Variants in RIMS3 observed in about 807,000 individuals in gnomAD.
The protein encoded by RIMS3 is regulating synaptic membrane exocytosis protein 3.
Under a neutral mutation model 29.2 loss-of-function variants are expected in RIMS3, and 15 were observed. The ratio of observed to expected loss-of-function variants is 0.51; its 90% confidence interval spans 0.34 to 0.79. The LOEUF (loss-of-function observed/expected upper bound fraction) is 0.79, where lower values mean the gene tolerates loss of function less well. RIMS3 is among the 30% of genes least tolerant of loss of function. The probability of loss-of-function intolerance (pLI) is 0.01; values close to 1 mark genes in which losing one functional copy is unlikely to be tolerated. For missense variants in RIMS3, 342 were observed against 421.4 expected, an observed-to-expected ratio of 0.81 and a Z score of 1.65; for synonymous variants, 161 against 170.1, an observed-to-expected ratio of 0.95 and a Z score of 0.41.
At chr1:40,658,288 T>A (rs1448505699) in intron 1 of RIMS3, among the ~76,000 whole-genome samples, 3 of 151,770 alleles carry the variant, frequency 2.0e-5, no homozygotes, top group African/African-American at 7.3e-5. Flanking sequence ...GGCCTCTGAA[T>A]GACATTTGAC....
chr1:40,636,913 G>A lies in RIMS3; in HGVS notation c.218-856C>T, dbSNP rs1646524012. On this transcript the variant is annotated intron_variant, in intron 3 of 7. Transcript: ENST00000372684. This position sits in a 1 kb window ranked among gnomAD's most constrained non-coding sequence, Gnocchi z 4.2. ...GGCAACCTCCTCGGCATTGCAGTGTGGTCCCTCTAGACACCCTCTCCTCCT... is the reference window on the plus strand; with the variant it reads ...GGCAACCTCCTCGGCATTGCAGTGTAGTCCCTCTAGACACCCTCTCCTCCT... Among the ~76,000 whole-genome samples the A allele has an allele frequency of 6.6e-6, 1 of 152,182 alleles. No homozygotes were observed. The highest frequency in any genetic ancestry group is 1.5e-5 in the Non-Finnish European group (1 of 68,028).
chr1:40,652,573 T>G (rs571942293), intron 1 of RIMS3, among the ~76,000 whole-genome samples: 1 of 152,224 alleles, frequency 6.6e-6, no homozygotes, highest in Admixed American at 6.5e-5. Flanking sequence ...CGGCAACTAC[T>G]GGGAAGGCCC....
the RIMS3 span, among the ~76,000 whole-genome samples, chr1:40,679,153 C>T: frequency 6.6e-6 from 1 of 152,224 alleles, no homozygotes; most frequent in Non-Finnish European, 1.5e-5. Context: ...CTCCATACCA[C>T]CAACACTGCT....
chr1:40,642,478 G>A (rs992832328), intron 2 of RIMS3, among the ~76,000 whole-genome samples: 8 of 152,108 alleles, frequency 5.3e-5, no homozygotes, highest in African/African-American at 1.7e-4. Context: ...TGCAGACTCT[G>A]GTGGGGTCCT....
chr1:40,631,700 C>A (rs1249473621), intron 5 of RIMS3, among the ~76,000 whole-genome samples: 1 of 151,192 alleles, frequency 6.6e-6, no homozygotes, highest in Non-Finnish European at 1.5e-5. Context: ...TAAATGGCAG[C>A]CAGGTACAGT....
intron 7 of RIMS3, 108 bp from the exon 8 acceptor site, chr1:40,626,837 A>C: frequency 1.0e-6 from 1 of 954,382 alleles, no homozygotes. Context: ...GAGCAGAGGG[A>C]GCCAGAACTC....
chr1:40,642,017 C>T, intron 2 of RIMS3, 61 bp from the exon 3 acceptor site: 2 of 1,052,712 alleles, frequency 1.9e-6, no homozygotes, highest in Non-Finnish European at 1.4e-6. Flanking sequence ...TACTGCAGTC[C>T]CACCACTTCC....
chr1:40,677,086 C>T, the RIMS3 span, among the ~76,000 whole-genome samples: 1 of 151,724 alleles, frequency 6.6e-6, no homozygotes, highest in African/African-American at 2.4e-5. Flanking sequence ...GCAACCTCTG[C>T]CTCCCAGGTT....
At chr1:40,691,872 G>GT in the RIMS3 span, 6 of 401,160 alleles carry the variant, frequency 1.5e-5, no homozygotes, top group South Asian at 1.0e-4. Context: ...GCAGAGGTGT[G>GT]TGAGTGTGCG....
In RIMS3 at chr1:40,654,641, CACA is replaced by C. The variant is rs2148357776; in HGVS notation, c.-206-6802_-206-6800del. On this transcript the variant is annotated intron_variant, in intron 1 of 7. Coordinates refer to ENST00000372684, the MANE Select transcript of RIMS3 (RefSeq NM_014747.3). This position sits in a 1 kb window ranked among gnomAD's most constrained non-coding sequence, Gnocchi z 5.3. ...CAGACTCACACACATCACACAGACCCACAACACACCCTGCCACACACACACAAA... is the reference window on the plus strand; with the variant it reads ...CAGACTCACACACATCACACAGACCCACACACCCTGCCACACACACACAAA... 6.6e-6 allele frequency among the ~76,000 whole-genome samples: 1 copy of C among 152,056 alleles called. No individual in the cohort carries two copies. Among genetic ancestry groups the C allele is most frequent in the African/African-American group, 2.4e-5 (1 of 41,454 alleles).
At position 40,623,451 on chromosome 1, in the gene RIMS3, A is replaced by G; in HGVS notation, c.*3066T>C. ...TCATCCATCACTGTCCCTGCCCACA[A>G]CCCAACATCACTGCAGGGCCACTCC... On this transcript the variant is annotated 3_prime_UTR_variant, in exon 8 of 8. Transcript: ENST00000372684. 2 of 398,644 alleles carry G rather than the reference A, an allele frequency of 5.0e-6. No homozygotes were observed. Among genetic ancestry groups the G allele is most frequent in the Non-Finnish European group, 8.8e-6 (2 of 226,118 alleles). The allele number at this position is 398,644 out of a possible 1,614,324, so 24.7% of individuals were successfully genotyped here. A position where few individuals can be genotyped will look rare whatever the true frequency, so the allele number is the denominator to read the frequency against.
At chr1:40,676,524 A>G in the RIMS3 span, among the ~76,000 whole-genome samples, 1 of 152,194 alleles carries the variant, frequency 6.6e-6, no homozygotes. Flanking sequence ...CTGAGGAACC[A>G]GGGCTGGTGT....
Position 40,664,394 on chromosome 1 carries a change from G to A in RIMS3, c.-207+1000C>T, listed in dbSNP as rs573708442. ...TGGCTCATTAACCCCTTGTTGACCA[G>A]GCCCAATCCTCCTCCCATGACTTCA... On this transcript the variant is annotated intron_variant, in intron 1 of 7. Transcript: ENST00000372684. Among the ~76,000 whole-genome samples, 49 of 152,208 alleles carry A rather than the reference G, an allele frequency of 3.2e-4. No homozygotes were observed. In the South Asian group the frequency reaches 9.9e-3, roughly 31 times the overall value.
intron 1 of RIMS3, among the ~76,000 whole-genome samples, chr1:40,664,254 G>A (rs1197630315): frequency 7.1e-6 from 1 of 140,488 alleles, no homozygotes; most frequent in Admixed American, 7.0e-5. Context: ...CACCCACCCC[G>A]CCTCCCAACC....
At chr1:40,686,913 T>C in the RIMS3 span, among the ~76,000 whole-genome samples, 1 of 151,950 alleles carries the variant, frequency 6.6e-6, no homozygotes, top group Non-Finnish European at 1.5e-5. Flanking sequence ...CTTTTAATCA[T>C]AGTTTTGATC....
chr1:40,686,710 G>A, the RIMS3 span, among the ~76,000 whole-genome samples: 6 of 152,076 alleles, frequency 3.9e-5, no homozygotes, highest in South Asian at 1.0e-3. Flanking sequence ...CCCCTCAATC[G>A]CCAGTCAATG....
the RIMS3 span, among the ~76,000 whole-genome samples, chr1:40,690,070 C>T: frequency 6.6e-6 from 1 of 152,124 alleles, no homozygotes; most frequent in Non-Finnish European, 1.5e-5. Context: ...TGAGGGCAAC[C>T]CAACTTCCAG....
At chr1:40,670,985 G>A in the RIMS3 span, among the ~76,000 whole-genome samples, 5 of 152,264 alleles carry the variant, frequency 3.3e-5, no homozygotes, top group East Asian at 1.9e-4. Flanking sequence ...CAGCTGCAAT[G>A]AGGAGCATGG....
At chr1:40,682,267 A>G in the RIMS3 span, among the ~76,000 whole-genome samples, 2 of 152,252 alleles carry the variant, frequency 1.3e-5, no homozygotes, top group Non-Finnish European at 2.9e-5. Context: ...TTAAGTACCT[A>G]TTATGGTACC....
Sources: allele counts gnomAD v4.1 joint callset (sites outside exome capture counted in the v4.1 genomes callset), GRCh38; gene constraint gnomAD v4.1.1; non-coding constraint Gnocchi (gnomAD v3.1); transcripts MANE v1.5; gene names NCBI Gene and HGNC (gene_info 2026-07-23, HGNC 2026-07-21).